Variants in KIAA1958 observed in about 807,000 individuals in gnomAD.
KIAA1958 encodes uncharacterized protein KIAA1958.
Under a neutral mutation model 47.2 loss-of-function variants are expected in KIAA1958, and 14 were observed. The ratio of observed to expected loss-of-function variants is 0.30; its 90% CI spans 0.20 to 0.46. The LOEUF is 0.46. Among genes scored for constraint, KIAA1958 ranks in the 20% least tolerant of loss-of-function variants. The probability of loss-of-function intolerance (pLI) is 1.00; values close to 1 mark genes in which losing one functional copy is unlikely to be tolerated. For missense variants in KIAA1958, 803 were observed against 909.2 expected, an observed-to-expected ratio of 0.88 and a Z score of 1.50; for synonymous variants, 354 against 353.3, an observed-to-expected ratio of 1.00 and a Z score of -0.02.
rs576300286 is a variant in KIAA1958 at position 112,570,310 on chromosome 9, T to TA, written c.-24-3746dup. On this transcript the variant is annotated intron_variant, in intron 1 of 3. Coordinates refer to ENST00000337530, the MANE Select transcript of KIAA1958 (RefSeq NM_133465.4). The stretch of plus-strand genomic sequence containing the variant: ...TTTTTTGAATGGAAGCATGGTGCTA[T>TA]ACGTGAAGGGGCAGAAGTCTTACAT... Among the ~76,000 whole-genome samples the TA allele has an allele frequency of 4.6e-4, 70 of 152,350 alleles. 1 individual carries two copies. In the South Asian group the frequency reaches 0.014, roughly 31 times the overall value.
chr9:112,563,647 C>T (rs1029000240), intron 1 of KIAA1958, among the ~76,000 whole-genome samples: 5 of 151,564 alleles, frequency 3.3e-5, no homozygotes, highest in African/African-American at 1.2e-4. Flanking sequence ...GCATAAACAG[C>T]CATGTTATTT....
intron 1 of KIAA1958, among the ~76,000 whole-genome samples, chr9:112,566,317 A>G (rs1835426425): frequency 6.6e-6 from 1 of 152,174 alleles, no homozygotes; most frequent in South Asian, 2.1e-4. Flanking sequence ...TTTTGTTATT[A>G]TAGCTATGAG....
chr9:112,487,175 C>A (rs1017033956), intron 1 of KIAA1958, 57 bp downstream of exon 1: 1 of 191,908 alleles, frequency 5.2e-6, no homozygotes, highest in Non-Finnish European at 1.1e-5. Flanking sequence ...GCGACCCAGG[C>A]GGGGAGCCCC....
chr9:112,580,507 CTG>C (rs755079592), intron 2 of KIAA1958, among the ~76,000 whole-genome samples: 19 of 152,108 alleles, frequency 1.2e-4, no homozygotes, highest in Non-Finnish European at 2.2e-4. Flanking sequence ...ACAAGACTAA[CTG>C]GGCACAGTGG....
Position 112,666,022 on chromosome 9 carries a change from CTG to C in KIAA1958, c.*5955_*5956del, listed in dbSNP as rs1372378032. The C allele has an allele frequency of 6.6e-6, 1 of 150,912 alleles. No individual in the cohort carries two copies. The highest frequency in any genetic ancestry group is 1.5e-5 in the Non-Finnish European group (1 of 67,912). 9.3% of individuals were successfully genotyped at this position (150,912 alleles called of 1,614,324 possible). ...TTTTTTGAGACTCAGGAGTCTCACT[CTG>C]TTGCCCAGGCTGGAGTGCAGTGGTG... On this transcript the variant is annotated 3_prime_UTR_variant, in exon 4 of 4. Coordinates refer to ENST00000337530, the MANE Select transcript of KIAA1958 (RefSeq NM_133465.4).
chr9:112,601,908 A>G lies in KIAA1958; in HGVS notation c.1171+26657A>G, dbSNP rs145319925. On this transcript the variant is annotated intron_variant, in intron 2 of 3. Coordinates refer to ENST00000337530, the MANE Select transcript of KIAA1958 (RefSeq NM_133465.4). ...AAGAATCATACTGGACTAACATACT[A>G]TCGTTCCAAATTTTAGAGCTCCTGA... Among the ~76,000 whole-genome samples, 406 of 152,330 alleles carry G rather than the reference A, an allele frequency of 2.7e-3. 2 individuals are homozygous for G. Among genetic ancestry groups the G allele is most frequent in the African/African-American group, 9.2e-3 (383 of 41,582 alleles).
At chr9:112,579,266 A>T (rs2593683) in intron 2 of KIAA1958, among the ~76,000 whole-genome samples, 45,648 of 151,886 alleles carry the variant, frequency 0.3, 7,161 homozygotes, top group Middle Eastern at 0.41. Flanking sequence ...TTCAACATCT[A>T]TCAGTCAATC....
At chr9:112,530,960 A>G (rs941039773) in intron 1 of KIAA1958, among the ~76,000 whole-genome samples, 4 of 152,248 alleles carry the variant, frequency 2.6e-5, no homozygotes, top group Admixed American at 2.0e-4. Context: ...CAGTAATTCC[A>G]TTATATATTT....
intron 1 of KIAA1958, among the ~76,000 whole-genome samples, chr9:112,570,917 C>T (rs1170035498): frequency 6.6e-6 from 1 of 152,198 alleles, no homozygotes; most frequent in Non-Finnish European, 1.5e-5. Flanking sequence ...GGCTGAAAGG[C>T]CGGGACCTGG....
intron 1 of KIAA1958, among the ~76,000 whole-genome samples, chr9:112,563,967 G>A (rs570280091): frequency 7.2e-4 from 110 of 152,112 alleles, no homozygotes; most frequent in African/African-American, 2.5e-3. Flanking sequence ...GCTTTTTTCT[G>A]CATCTATTGA....
chr9:112,559,804 T>C (rs1163662828), intron 1 of KIAA1958, among the ~76,000 whole-genome samples: 1 of 152,200 alleles, frequency 6.6e-6, no homozygotes, highest in African/African-American at 2.4e-5. Context: ...CTATACTTCT[T>C]TGAGTGGGCT....
In KIAA1958 at chr9:112,661,274, T is replaced by C. The variant is rs1837272508; in HGVS notation, c.*1205T>C. On this transcript the variant is annotated 3_prime_UTR_variant, in exon 4 of 4. Coordinates refer to ENST00000337530, the MANE Select transcript of KIAA1958 (RefSeq NM_133465.4). ...GTAGGTAATGCAGTTTGAAACCATT[T>C]CACTCAGGTAAAATGCAACCTGACC... 1 of 152,190 alleles carries C rather than the reference T, an allele frequency of 6.6e-6. No homozygotes were observed. The highest frequency in any genetic ancestry group is 2.1e-4 in the South Asian group (1 of 4,830). 9.4% of individuals were successfully genotyped at this position (152,190 alleles called of 1,614,324 possible).
intron 2 of KIAA1958, among the ~76,000 whole-genome samples, chr9:112,600,939 C>T (rs1372631010): frequency 6.6e-6 from 1 of 152,164 alleles, no homozygotes; most frequent in African/African-American, 2.4e-5. Flanking sequence ...AGTTTATACC[C>T]ATTTTACAAT....
chr9:112,578,338 C>T (rs1015019717), intron 2 of KIAA1958, among the ~76,000 whole-genome samples: 2 of 152,076 alleles, frequency 1.3e-5, no homozygotes, highest in African/African-American at 2.4e-5. Context: ...GACTTGGTTA[C>T]GGATGGACCT....
intron 1 of KIAA1958, among the ~76,000 whole-genome samples, chr9:112,522,198 C>A (rs1343992883): frequency 6.6e-6 from 1 of 152,150 alleles, no homozygotes; most frequent in East Asian, 1.9e-4. Flanking sequence ...CTCGAACTCC[C>A]GACCTCAGGT....
At chr9:112,592,033 A>C (rs1835932192) in intron 2 of KIAA1958, among the ~76,000 whole-genome samples, 1 of 152,082 alleles carries the variant, frequency 6.6e-6, no homozygotes, top group South Asian at 2.1e-4. Flanking sequence ...GCACAGGCTA[A>C]ACTAATTCTG....
chr9:112,577,673 G>C, intron 2 of KIAA1958, among the ~76,000 whole-genome samples: 1 of 151,292 alleles, frequency 6.6e-6, no homozygotes, highest in Non-Finnish European at 1.5e-5. Flanking sequence ...AGACTTTTCT[G>C]CATCTGCCTT....
chr9:112,498,170 A>G (rs1238587689), intron 1 of KIAA1958, among the ~76,000 whole-genome samples: 2 of 152,164 alleles, frequency 1.3e-5, no homozygotes, highest in Admixed American at 1.3e-4. Context: ...ATCTTCTGAA[A>G]ACAAGGAGTT....
chr9:112,545,220 C>T (rs563903499), intron 1 of KIAA1958, among the ~76,000 whole-genome samples: 1 of 152,114 alleles, frequency 6.6e-6, no homozygotes, highest in Non-Finnish European at 1.5e-5. Flanking sequence ...AAAATGTGTA[C>T]GTGGTCACAG....
Sources: gnomAD v4.1 joint callset for allele counts (sites outside exome capture counted in the v4.1 genomes callset) on GRCh38, gnomAD v4.1.1 for gene constraint, MANE v1.5 for transcripts, NCBI Gene and HGNC (gene_info 2026-07-23, HGNC 2026-07-21) for gene names.